GRIK1: variants seen among roughly 807,000 people sequenced by gnomAD.
The protein encoded by GRIK1 is glutamate receptor ionotropic, kainate 1.
Under a neutral mutation model 105.7 loss-of-function variants are expected in GRIK1, and 69 were observed. The ratio of observed to expected loss-of-function variants is 0.65; its 90% CI spans 0.54 to 0.80. The LOEUF is 0.80. Ranked by LOEUF, GRIK1 falls within the 30% of genes least tolerant of loss-of-function variation. The probability of loss-of-function intolerance (pLI) is 0.00; values close to 1 mark genes in which losing one functional copy is unlikely to be tolerated. For missense variants in GRIK1, 1,109 were observed against 1,167.3 expected, an observed-to-expected ratio of 0.95 and a Z score of 0.73; for synonymous variants, 438 against 431.3, an observed-to-expected ratio of 1.02 and a Z score of -0.19.
intron 1 of GRIK1, among the ~76,000 whole-genome samples, chr21:29,749,568 C>T (rs550135756): frequency 9.8e-5 from 15 of 152,334 alleles, no homozygotes; most frequent in African/African-American, 2.9e-4. Context: ...AAATCCCAAG[C>T]TGCCTCCTCT....
chr21:29,555,222 A>G lies in GRIK1; in HGVS notation c.2437T>C (p.Trp813Arg). 1 of 1,613,742 alleles carries G rather than the reference A, an allele frequency of 6.2e-7. No individual in the cohort carries two copies. The highest frequency in any genetic ancestry group is 8.5e-7 in the Non-Finnish European group (1 of 1,179,810). The stretch of plus-strand genomic sequence containing the variant: ...TCGGGGCAGCCATTCCCACGCCACC[A>G]CTTCTCTTTCATCATATGCAGCTTC... ...EGKLHMMKEKWWRGNGCPEED... is the reference protein window; with the variant it reads ...EGKLHMMKEKRWRGNGCPEED... Residue 813 changes from tryptophan (W) to arginine (R), a missense_variant, in exon 16 of 18, where the codon TGG becomes CGG. Around this residue, in one of 5 missense-constraint regions of GRIK1, gnomAD observed 18 missense variants for 42.8 expected, o/e 0.42. Coordinates refer to ENST00000327783, the MANE Select transcript of GRIK1 (RefSeq NM_001330994.2).
chr21:29,915,019 A>G (rs1028790680), intron 1 of GRIK1, among the ~76,000 whole-genome samples: 5 of 152,096 alleles, frequency 3.3e-5, no homozygotes, highest in Admixed American at 6.6e-5. Context: ...TGTTTTTTAC[A>G]TAATTTCTAA....
At chr21:29,922,712 C>G (rs575465261) in intron 1 of GRIK1, among the ~76,000 whole-genome samples, 1 of 152,166 alleles carries the variant, frequency 6.6e-6, no homozygotes, top group East Asian at 1.9e-4. Flanking sequence ...TTAAAAATGA[C>G]TAAAGTTCAA....
chr21:29,939,825 A>T lies in GRIK1; in HGVS notation c.-325T>A, dbSNP rs1323581644. The stretch of plus-strand genomic sequence containing the variant: ...CCAGCTGAGGAAAGTTGCTGCCCCG[A>T]TCTGCAGGAACGTCTCCCTCATTCG... On this transcript the variant is annotated 5_prime_UTR_variant, in exon 1 of 18. Coordinates refer to ENST00000327783, the MANE Select transcript of GRIK1 (RefSeq NM_001330994.2). The T allele has an allele frequency of 4.0e-6, 1 of 249,188 alleles. No individual in the cohort carries two copies. The highest frequency in any genetic ancestry group is 2.2e-5 in the African/African-American group (1 of 44,516). 15.4% of individuals were successfully genotyped at this position (249,188 alleles called of 1,614,324 possible).
rs531985284 is a variant in GRIK1 at position 29,667,446 on chromosome 21, T to TA, written c.726+5536dup. Among the ~76,000 whole-genome samples the TA allele has an allele frequency of 2.0e-4, 31 of 151,414 alleles. No individual in the cohort carries two copies. In the East Asian group the frequency reaches 5.0e-3, roughly 25 times the overall value. On this transcript the variant is annotated intron_variant, in intron 4 of 17. Transcript: ENST00000327783. ...GTTTTTATGTTAATTGAAAGAGATTTAAAAAAAAAGTGGGTTGGGGGTGGA... is the reference window on the plus strand; with the variant it reads ...GTTTTTATGTTAATTGAAAGAGATTTAAAAAAAAAAGTGGGTTGGGGGTGGA...
intron 3 of GRIK1, among the ~76,000 whole-genome samples, chr21:29,674,662 C>G (rs938965948): frequency 6.6e-6 from 1 of 152,086 alleles, no homozygotes; most frequent in African/African-American, 2.4e-5. Context: ...CCCTTGCTCT[C>G]TCTCTCTCTT....
At chr21:29,898,564 G>A (rs906808410) in intron 1 of GRIK1, among the ~76,000 whole-genome samples, 10 of 152,092 alleles carry the variant, frequency 6.6e-5, no homozygotes, top group South Asian at 2.1e-4. Flanking sequence ...AGATCTCCCC[G>A]TTGCTTTAAA....
At chr21:29,648,001 T>A (rs1357842793) in intron 6 of GRIK1, among the ~76,000 whole-genome samples, 1 of 152,232 alleles carries the variant, frequency 6.6e-6, no homozygotes, top group Non-Finnish European at 1.5e-5. Flanking sequence ...TTTTTGGATA[T>A]AGGCATGACT....
At chr21:29,855,834 G>A (rs552888200) in intron 1 of GRIK1, among the ~76,000 whole-genome samples, 1 of 152,296 alleles carries the variant, frequency 6.6e-6, no homozygotes, top group South Asian at 2.1e-4. Context: ...GACACGATCG[G>A]TAGGATTTTC....
chr21:29,880,155 T>C (rs2069351144), intron 1 of GRIK1, among the ~76,000 whole-genome samples: 1 of 152,052 alleles, frequency 6.6e-6, no homozygotes, highest in Non-Finnish European at 1.5e-5. Context: ...ATTGAGGTGC[T>C]AAACACAAAA....
intron 1 of GRIK1, among the ~76,000 whole-genome samples, chr21:29,922,974 T>C (rs2071238686): frequency 6.6e-6 from 1 of 152,168 alleles, no homozygotes; most frequent in African/African-American, 2.4e-5. Context: ...ACCCTTCTTC[T>C]TTCTTTTTAT....
chr21:29,688,563 T>G (rs1425726867), intron 3 of GRIK1, among the ~76,000 whole-genome samples: 1 of 152,190 alleles, frequency 6.6e-6, no homozygotes, highest in Non-Finnish European at 1.5e-5. Context: ...TCTATCCATG[T>G]GGAATTACTA....
chr21:29,934,392 A>C lies in GRIK1; in HGVS notation c.118+4991T>G, dbSNP rs60292274. Among the ~76,000 whole-genome samples, 1,253 of 152,298 alleles carry C rather than the reference A, an allele frequency of 8.2e-3. 27 individuals are homozygous for C. Among genetic ancestry groups the C allele is most frequent in the African/African-American group, 0.029 (1,197 of 41,564 alleles). On this transcript the variant is annotated intron_variant, in intron 1 of 17. Transcript: ENST00000327783. The stretch of plus-strand genomic sequence containing the variant: ...GAAAGATCTGCTCATTTGCAGAAAC[A>C]TGTTAACGTTAGTCAGGCACTCCCT...
At chr21:29,715,898 T>C (rs1223752630) in intron 1 of GRIK1, among the ~76,000 whole-genome samples, 1 of 152,114 alleles carries the variant, frequency 6.6e-6, no homozygotes, top group Non-Finnish European at 1.5e-5. Context: ...TAGATGTTGA[T>C]ATGGTTTGGC....
intron 6 of GRIK1, among the ~76,000 whole-genome samples, chr21:29,644,787 C>T (rs746001853): frequency 1.3e-5 from 2 of 152,202 alleles, no homozygotes; most frequent in South Asian, 4.1e-4. Context: ...AAGCTACTGG[C>T]AGATTGAGAC....
intron 1 of GRIK1, among the ~76,000 whole-genome samples, chr21:29,819,299 A>G (rs1023434677): frequency 3.3e-5 from 5 of 152,138 alleles, no homozygotes; most frequent in African/African-American, 9.7e-5. Flanking sequence ...CAGTTTATGC[A>G]TAAAGGCTGG....
chr21:29,779,335 A>AGT (rs3054347), intron 1 of GRIK1, among the ~76,000 whole-genome samples: 1,908 of 149,838 alleles, frequency 0.013, 36 homozygotes, highest in Admixed American at 0.055. Context: ...TCAGTGAGTG[A>AGT]GTGTGTGTGT....
intron 1 of GRIK1, among the ~76,000 whole-genome samples, chr21:29,931,749 C>G (rs1425126604): frequency 2.0e-5 from 3 of 152,116 alleles, no homozygotes; most frequent in African/African-American, 7.2e-5. Flanking sequence ...TAAGCCCTCT[C>G]AGCAGACAGA....
At chr21:29,906,664 C>G (rs1289896240) in intron 1 of GRIK1, among the ~76,000 whole-genome samples, 1 of 151,908 alleles carries the variant, frequency 6.6e-6, no homozygotes, top group Non-Finnish European at 1.5e-5. Context: ...AAGGATAATT[C>G]AGGAGGGGAA....
Sources: gnomAD v4.1 joint callset for allele counts (sites outside exome capture counted in the v4.1 genomes callset) on GRCh38, gnomAD v4.1.1 for gene constraint, gnomAD v4.1.1 regional missense constraint, MANE v1.5 for transcripts, NCBI Gene and HGNC (gene_info 2026-07-23, HGNC 2026-07-21) for gene names.